MAST4: variants seen among roughly 807,000 people sequenced by gnomAD.
MAST4 encodes microtubule associated serine/threonine kinase family member 4.
MAST4 carries 89 observed loss-of-function variants against 162.7 expected under a neutral mutation model. The observed-to-expected ratio is 0.55, with a 90% CI of 0.46 to 0.65. The LOEUF (loss-of-function observed/expected upper bound fraction) is 0.65. Ranked by LOEUF, MAST4 falls within the 30% of genes least tolerant of loss-of-function variation. The probability of loss-of-function intolerance (pLI) is 0.00; values close to 1 mark genes in which losing one functional copy is unlikely to be tolerated. For missense variants in MAST4, 3,153 were observed against 3,374.0 expected (o/e 0.93, Z 1.62); for synonymous variants, 1,479 against 1,361.1 (o/e 1.09, Z -1.91).
chr5:67,075,237 C>T (rs1248635564), intron 5 of MAST4, among the ~76,000 whole-genome samples: 1 of 145,258 alleles, frequency 6.9e-6, no homozygotes, highest in South Asian at 2.3e-4. Flanking sequence ...ATGGCATGAT[C>T]GTGGCTCCCT....
At chr5:66,733,246 CT>C (rs892778508) in intron 1 of MAST4, among the ~76,000 whole-genome samples, 2 of 152,132 alleles carry the variant, frequency 1.3e-5, no homozygotes, top group Non-Finnish European at 2.9e-5. Flanking sequence ...CCCTCCAACT[CT>C]TCTCTCTCTT....
At chr5:66,783,430 T>G (rs1754969588) in intron 2 of MAST4, 1 of 152,206 alleles carries the variant, frequency 6.6e-6, no homozygotes, top group Non-Finnish European at 1.5e-5. Context: ...GTTTGGGAAT[T>G]TAGAATAGGA....
chr5:67,136,464 ATTCTGCCT>A lies in MAST4; in HGVS notation c.2393-93_2393-86del, dbSNP rs1769658004. Reference sequence around the variant, plus strand: ...TTAGTAGGTCCGGAGTGGGCCTGAAATTCTGCCTTTCTGACAAATTCCCAGGTGATGTC... The same window carrying A: ...TTAGTAGGTCCGGAGTGGGCCTGAAATTCTGACAAATTCCCAGGTGATGTC... On this transcript the variant is annotated intron_variant, in intron 18 of 28. Transcript: ENST00000403625. The A allele has an allele frequency of 4.6e-6, 4 of 863,766 alleles. No homozygotes were observed. The South Asian group carries it at 5.9e-5, about 13-fold the overall frequency. 53.5% of individuals were successfully genotyped at this position (863,766 alleles called of 1,614,324 possible).
chr5:66,733,416 C>G (rs1751977286), intron 1 of MAST4, among the ~76,000 whole-genome samples: 1 of 152,062 alleles, frequency 6.6e-6, no homozygotes, highest in Non-Finnish European at 1.5e-5. Flanking sequence ...AGAAATTCAT[C>G]TTATAGATAT....
intron 19 of MAST4, among the ~76,000 whole-genome samples, chr5:67,141,273 T>C (rs1770378012): frequency 6.6e-6 from 1 of 152,190 alleles, no homozygotes; most frequent in Non-Finnish European, 1.5e-5. Context: ...AAATCTCTCT[T>C]CTTAGAGTTT....
At chr5:66,668,172 A>G (rs1214382966) in intron 1 of MAST4, among the ~76,000 whole-genome samples, 2 of 152,188 alleles carry the variant, frequency 1.3e-5, no homozygotes, top group Non-Finnish European at 2.9e-5. Context: ...TATACTTTCT[A>G]TCTTTGGCTT....
chr5:67,021,807 T>A (rs1313114987), intron 4 of MAST4, among the ~76,000 whole-genome samples: 2 of 152,186 alleles, frequency 1.3e-5, no homozygotes, highest in Admixed American at 1.3e-4. Flanking sequence ...AAGGCAGTTA[T>A]GTTTGCTTGA....
chr5:66,829,711 A>T (rs1580560892), intron 3 of MAST4, among the ~76,000 whole-genome samples: 1 of 35,854 alleles, frequency 2.8e-5, no homozygotes, highest in Admixed American at 1.9e-4. Flanking sequence ...TTTTGATATT[A>T]AAAAAAATGC....
At chr5:66,921,601 A>G (rs1162975428) in intron 4 of MAST4, among the ~76,000 whole-genome samples, 1 of 152,136 alleles carries the variant, frequency 6.6e-6, no homozygotes, top group Non-Finnish European at 1.5e-5. Flanking sequence ...TACTAAAAAA[A>G]ATACAAAAAT....
intron 4 of MAST4, among the ~76,000 whole-genome samples, chr5:66,946,769 C>G (rs2150118761): frequency 6.6e-6 from 1 of 152,248 alleles, no homozygotes; most frequent in Admixed American, 6.5e-5. Flanking sequence ...CAGATAGATT[C>G]AGGTCTTATC....
chr5:66,655,627 T>C (rs1039825168), intron 1 of MAST4, among the ~76,000 whole-genome samples: 9 of 152,142 alleles, frequency 5.9e-5, no homozygotes, highest in African/African-American at 2.2e-4. Context: ...GAGGAGAGAA[T>C]ACAAAGACGG....
chr5:67,038,050 C>T, intron 4 of MAST4, among the ~76,000 whole-genome samples: 1 of 152,096 alleles, frequency 6.6e-6, no homozygotes, highest in East Asian at 1.9e-4. Context: ...TTTCATATTT[C>T]TTAATGATAA....
chr5:66,965,576 A>C, intron 4 of MAST4, among the ~76,000 whole-genome samples: 1 of 10,584 alleles, frequency 9.4e-5, no homozygotes, highest in Non-Finnish European at 1.7e-4. Flanking sequence ...GTGGGGAGGG[A>C]TTGGTGGGGG....
intron 1 of MAST4, among the ~76,000 whole-genome samples, chr5:66,711,701 G>C (rs1285006209): frequency 6.6e-6 from 1 of 152,126 alleles, no homozygotes; most frequent in Non-Finnish European, 1.5e-5. Context: ...TGGGCATGGT[G>C]GTGGGCGTCT....
At chr5:66,748,839 T>G (rs1333085192) in intron 1 of MAST4, among the ~76,000 whole-genome samples, 1 of 151,764 alleles carries the variant, frequency 6.6e-6, no homozygotes, top group African/African-American at 2.4e-5. Context: ...CTGGGTGGTA[T>G]AATCCAACAT....
intron 4 of MAST4, among the ~76,000 whole-genome samples, chr5:66,989,401 T>A (rs1749840675): frequency 6.6e-6 from 1 of 152,214 alleles, no homozygotes; most frequent in Non-Finnish European, 1.5e-5. Context: ...CAGAGTGGTT[T>A]GACCCAGTCA....
intron 2 of MAST4, among the ~76,000 whole-genome samples, chr5:66,781,518 C>A (rs1240700064): frequency 1.3e-5 from 2 of 152,180 alleles, no homozygotes; most frequent in African/African-American, 2.4e-5. Context: ...TGCAGTGCTA[C>A]CCCTGTTCTT....
chr5:66,690,112 C>G (rs1022067100), intron 1 of MAST4, among the ~76,000 whole-genome samples: 1 of 152,126 alleles, frequency 6.6e-6, no homozygotes, highest in Non-Finnish European at 1.5e-5. Context: ...CACTCCTGTT[C>G]CCTCACTTAC....
At chr5:66,946,167 A>G (rs1744007847) in intron 4 of MAST4, among the ~76,000 whole-genome samples, 1 of 152,210 alleles carries the variant, frequency 6.6e-6, no homozygotes, top group African/African-American at 2.4e-5. Context: ...CATGCTGCTC[A>G]TGACTGGAAT....
Sources: allele counts gnomAD v4.1 joint callset (sites outside exome capture counted in the v4.1 genomes callset), GRCh38; gene constraint gnomAD v4.1.1; transcripts MANE v1.5; gene names NCBI Gene and HGNC (gene_info 2026-07-23, HGNC 2026-07-21).